The following PCDH11X variants were observed in gnomAD, a reference collection of about 807,000 sequenced individuals.
PCDH11X encodes the protein protocadherin 11 X-linked, also known as protocadherin-11 X-linked.
Under a neutral mutation model 53.3 loss-of-function variants are expected in PCDH11X, and 18 were observed. That is an observed-to-expected ratio of 0.34 (90% CI 0.23 to 0.50). PCDH11X has a LOEUF of 0.50. Among genes scored for constraint, PCDH11X ranks in the 20% least tolerant of loss-of-function variants. PCDH11X has a pLI of 0.98. For synonymous variants in PCDH11X, 279 were observed against 393.3 expected, an observed-to-expected ratio of 0.71 and a Z score of 3.44; for missense variants, 570 against 1,032.4, an observed-to-expected ratio of 0.55 and a Z score of 6.14.
Position 92,621,659 on chromosome X carries a change from CACATT to C in PCDH11X, c.*2723_*2727del, listed in dbSNP as rs1484160046. On this transcript the variant is annotated 3_prime_UTR_variant, in exon 11 of 11. Coordinates refer to ENST00000682573, the MANE Select transcript of PCDH11X (RefSeq NM_032968.5). ...TCAGATCTGATGATATCTTTTTCAT[CACATT>C]ACAAGTTATTTCTCTGACTGAATAG... is the stretch of plus-strand genomic sequence containing the variant. 1.3e-3 allele frequency: 149 copies of C among 110,953 alleles called. 3 individuals are homozygous for C. Among genetic ancestry groups the C allele is most frequent in the African/African-American group, 4.7e-3 (143 of 30,479 alleles). 9.1% of individuals were successfully genotyped at this position (110,953 alleles called of 1,213,427 possible). A position where few individuals can be genotyped will look rare whatever the true frequency, so the allele number is the denominator to read the frequency against.
rs928233159 is a variant in PCDH11X, at chrX:92,203,888, A to G, written c.3114+2433A>G. Among the ~76,000 whole-genome samples, 8 of 112,228 alleles carry G rather than the reference A, an allele frequency of 7.1e-5. No individual in the cohort carries two copies. The East Asian group carries it at 1.4e-3, about 20-fold the overall frequency. ...CCATCAAGTGCAGGGTCTGGAAAAT[A>G]CCTCAAGCACTGATCTTAGGTTTTA... is the stretch of plus-strand genomic sequence containing the variant. On this transcript the variant is annotated intron_variant, in intron 7 of 10. Coordinates refer to ENST00000682573, the MANE Select transcript of PCDH11X (RefSeq NM_032968.5).
intron 5 of PCDH11X, among the ~76,000 whole-genome samples, chrX:91,862,045 C>T (rs1332194250): frequency 3.6e-5 from 4 of 109,976 alleles, no homozygotes; most frequent in Admixed American, 1.9e-4. Context: ...ATCTTGGCCC[C>T]GCCAACACCC....
chrX:91,860,156 T>C (rs1212033325), intron 5 of PCDH11X, among the ~76,000 whole-genome samples: 1 of 110,524 alleles, frequency 9.0e-6, no homozygotes, highest in African/African-American at 3.3e-5. Flanking sequence ...CAGTCGTTTG[T>C]AGTTCTTCTT....
chrX:91,790,600 G>C (rs1935499403), intron 1 of PCDH11X, among the ~76,000 whole-genome samples: 2 of 111,939 alleles, frequency 1.8e-5, no homozygotes, highest in Admixed American at 1.9e-4. Context: ...AGATTATTTT[G>C]TATTTGCTGT....
chrX:92,003,849 C>G (rs2062552489), intron 6 of PCDH11X, among the ~76,000 whole-genome samples: 1 of 110,028 alleles, frequency 9.1e-6, no homozygotes, highest in Admixed American at 9.7e-5. Context: ...TTTTTTTAAC[C>G]TATCTTTGTA....
chrX:92,429,468 A>G (rs749479189), intron 9 of PCDH11X, among the ~76,000 whole-genome samples: 5 of 109,414 alleles, frequency 4.6e-5, no homozygotes, highest in African/African-American at 1.7e-4. Context: ...CCATCTTTGA[A>G]AGCCAAGGTC....
chrX:91,913,187 G>A (rs930013699), intron 6 of PCDH11X, among the ~76,000 whole-genome samples: 5 of 110,975 alleles, frequency 4.5e-5, no homozygotes, highest in Non-Finnish European at 7.6e-5. Context: ...TTTTGGCTGG[G>A]CACACATTTT....
At chrX:92,303,792 T>C (rs1449388612) in intron 8 of PCDH11X, among the ~76,000 whole-genome samples, 1 of 109,936 alleles carries the variant, frequency 9.1e-6, no homozygotes, top group Non-Finnish European at 1.9e-5. Flanking sequence ...CCATGAAGAG[T>C]ACAACTAACG....
At chrX:92,321,821 G>A (rs2069220364) in intron 8 of PCDH11X, among the ~76,000 whole-genome samples, 1 of 110,773 alleles carries the variant, frequency 9.0e-6, no homozygotes, top group African/African-American at 3.3e-5. Context: ...TTTTTCTGGG[G>A]TACCCTTGGC....
intron 10 of PCDH11X, among the ~76,000 whole-genome samples, chrX:92,547,509 C>T (rs1307249049): frequency 3.7e-5 from 4 of 109,457 alleles, no homozygotes; most frequent in Non-Finnish European, 7.6e-5. Flanking sequence ...CTCTTCCTTC[C>T]TCCCTTTCTC....
intron 5 of PCDH11X, among the ~76,000 whole-genome samples, chrX:91,866,623 CT>C (rs1353315281): frequency 9.0e-6 from 1 of 110,734 alleles, no homozygotes; most frequent in Non-Finnish European, 1.9e-5. Flanking sequence ...GGAGAAGTGG[CT>C]TCGGTGATTC....
At chrX:92,006,652 G>A (rs767588274) in intron 6 of PCDH11X, among the ~76,000 whole-genome samples, 1 of 110,116 alleles carries the variant, frequency 9.1e-6, no homozygotes, top group Non-Finnish European at 1.9e-5. Flanking sequence ...TGTTTTTCTG[G>A]ATGGTGGTGA....
chrX:92,331,730 T>C (rs1434185446), intron 8 of PCDH11X, among the ~76,000 whole-genome samples: 2 of 110,868 alleles, frequency 1.8e-5, no homozygotes, highest in Non-Finnish European at 3.8e-5. Context: ...CAAATGGTTT[T>C]CTTCCTTTTT....
intron 6 of PCDH11X, among the ~76,000 whole-genome samples, chrX:92,142,920 ATG>A (rs1447763168): frequency 5.1e-5 from 2 of 39,321 alleles, no homozygotes; most frequent in African/African-American, 1.4e-4. Context: ...ACACAGATGC[ATG>A]CACACACACA....
intron 7 of PCDH11X, among the ~76,000 whole-genome samples, chrX:92,243,447 G>T (rs2067296819): frequency 9.0e-6 from 1 of 110,535 alleles, no homozygotes; most frequent in Non-Finnish European, 1.9e-5. Flanking sequence ...GGTCTACTTT[G>T]TTCCAGTTAT....
At chrX:92,400,453 T>C (rs1330710243) in intron 9 of PCDH11X, among the ~76,000 whole-genome samples, 3 of 109,856 alleles carry the variant, frequency 2.7e-5, no homozygotes, top group Non-Finnish European at 5.7e-5. Flanking sequence ...GAATGTGGGG[T>C]GCTGGACTGT....
At chrX:92,179,255 G>A (rs1475771715) in intron 6 of PCDH11X, among the ~76,000 whole-genome samples, 2 of 112,409 alleles carry the variant, frequency 1.8e-5, no homozygotes, top group Non-Finnish European at 3.8e-5. Context: ...GCAAGTGAAT[G>A]TTACAAAATG....
At chrX:91,972,084 T>C (rs1289904197) in intron 6 of PCDH11X, among the ~76,000 whole-genome samples, 1 of 108,626 alleles carries the variant, frequency 9.2e-6, no homozygotes, top group Non-Finnish European at 1.9e-5. Context: ...AGTGTTCCTA[T>C]TTCTCCACAT....
chrX:91,848,379 T>G (rs1349553069), intron 5 of PCDH11X, among the ~76,000 whole-genome samples: 3 of 110,777 alleles, frequency 2.7e-5, no homozygotes, highest in African/African-American at 9.9e-5. Context: ...CATGGACATA[T>G]TCTTCATAAA....
Sources: allele counts gnomAD v4.1 joint callset (sites outside exome capture counted in the v4.1 genomes callset), GRCh38; gene constraint gnomAD v4.1.1; transcripts MANE v1.5; gene names NCBI Gene and HGNC (gene_info 2026-07-23, HGNC 2026-07-21).